The following REPS1 variants were observed in gnomAD, a reference collection of about 807,000 sequenced individuals.
REPS1 encodes the protein RALBP1 associated Eps domain containing 1.
In REPS1, 39 loss-of-function variants were observed where a neutral mutation model predicts 100.9. The observed-to-expected ratio is 0.39, with a 90% CI of 0.30 to 0.50. REPS1 has a LOEUF of 0.50. Among genes scored for constraint, REPS1 ranks in the 20% least tolerant of loss-of-function variants. The pLI is 0.86. For synonymous variants in REPS1, 324 were observed against 340.3 expected (o/e 0.95, Z 0.53); for missense variants, 821 against 968.5 (o/e 0.85, Z 2.02).
At chr6:138,944,051 A>G in intron 5 of REPS1, 36 bp from the exon 6 acceptor site, 1 of 1,593,326 alleles carries the variant, frequency 6.3e-7, no homozygotes. Context: ...TACAATATCT[A>G]CCTACATGAT....
chr6:138,925,057 G>A (rs1261561119), intron 10 of REPS1, among the ~76,000 whole-genome samples: 1 of 151,952 alleles, frequency 6.6e-6, no homozygotes. Flanking sequence ...AATGATAAAA[G>A]ACATCAGGCC....
chr6:138,930,932 A>G (rs1781446364), intron 8 of REPS1, among the ~76,000 whole-genome samples: 1 of 152,188 alleles, frequency 6.6e-6, no homozygotes. Flanking sequence ...TCTACTTTTA[A>G]GCATAGTTAA....
At chr6:138,953,418 G>A (rs1339710278) in intron 1 of REPS1, among the ~76,000 whole-genome samples, 5 of 152,062 alleles carry the variant, frequency 3.3e-5, no homozygotes, top group Admixed American at 2.0e-4. Context: ...TACAGAATGG[G>A]AGAAAATATC....
chr6:138,984,064 A>ATC (rs1194338189), intron 1 of REPS1, among the ~76,000 whole-genome samples: 39 of 141,846 alleles, frequency 2.7e-4, no homozygotes, highest in African/African-American at 7.3e-4. Flanking sequence ...AATCTCTACC[A>ATC]TCTCTCTCTC....
In REPS1 at chr6:138,907,557, G is replaced by A. The variant is rs1375987156; in HGVS notation, c.2260C>T (p.Arg754Cys). ...AAAACGGTGTTGGTTTCCTTATTAC[G>A]TCTAATTGATGCCTGAATAGCTTTC... ...DKKAIQASIR[R>C]NKETNTVLAR... The change falls in exon 19 of 20, where the codon CGT (arginine) becomes TGT (cysteine). Residue 754 changes from arginine (R) to cysteine (C), a missense_variant. Physicochemically the swap from Arg to Cys is radical, Grantham distance 180 (BLOSUM62 -3). Coordinates refer to ENST00000450536, the MANE Select transcript of REPS1 (RefSeq NM_001286611.2). 16 of 1,613,342 alleles carry A rather than the reference G, an allele frequency of 9.9e-6. No homozygotes were observed. The highest frequency in any genetic ancestry group is 1.4e-5 in the Non-Finnish European group (16 of 1,179,622).
chr6:138,959,921 G>GT (rs1162469947), intron 1 of REPS1, among the ~76,000 whole-genome samples: 2 of 152,322 alleles, frequency 1.3e-5, no homozygotes, highest in South Asian at 2.1e-4. Context: ...AAGTGGCAGA[G>GT]TAAGGATTCA....
rs1229092565 is a variant in REPS1, at chr6:138,904,449, T to C, written c.*615A>G. The stretch of plus-strand genomic sequence containing the variant: ...ATCTCATAAAATAGTTCGAAGTCGC[T>C]GATGAAGTTGATCACATTTCCACAA... On this transcript the variant is annotated 3_prime_UTR_variant, in exon 20 of 20. Coordinates refer to ENST00000450536, the MANE Select transcript of REPS1 (RefSeq NM_001286611.2). The C allele has an allele frequency of 6.6e-6, 1 of 152,370 alleles. No individual in the cohort carries two copies. The highest frequency in any genetic ancestry group is 1.9e-4 in the East Asian group (1 of 5,188). 9.4% of individuals were successfully genotyped at this position (152,370 alleles called of 1,614,324 possible).
chr6:138,911,337 C>G lies in REPS1; in HGVS notation c.2006G>C (p.Arg669Pro). ...AGTTTTACTATCTGTTTTGGCAACT[C>G]GAAGAGAACTTGCAGGATCAGAAGC... The part of the protein sequence containing the change: ...EKASDPASSL[R>P]VAKTDSKTEE... The change falls in exon 17 of 20, where the codon CGA (arginine) becomes CCA (proline). Residue 669 changes from arginine (R) to proline (P), a missense_variant. Coordinates refer to ENST00000450536, the MANE Select transcript of REPS1 (RefSeq NM_001286611.2). 6.2e-7 allele frequency: 1 copy of G among 1,613,618 alleles called. No homozygotes were observed. Among genetic ancestry groups the G allele is most frequent in the Non-Finnish European group, 8.5e-7 (1 of 1,179,666 alleles).
rs186361770 is a variant in REPS1 at position 138,926,075 on chromosome 6, C to A, written c.1338+326G>T. On this transcript the variant is annotated intron_variant, in intron 10 of 19. Transcript: ENST00000450536. ...AGCATACAGATAATACATAAAGAGT[C>A]ACTACACTGAAATAAACAGTATGTA... is the stretch of plus-strand genomic sequence containing the variant. Among the ~76,000 whole-genome samples, 901 of 152,230 alleles carry A rather than the reference C, an allele frequency of 5.9e-3. 8 individuals carry two copies. Among genetic ancestry groups the A allele is most frequent in the Non-Finnish European group, 0.01 (681 of 68,022 alleles).
intron 19 of REPS1, among the ~76,000 whole-genome samples, chr6:138,906,866 G>A (rs1425831891): frequency 1.3e-5 from 2 of 152,040 alleles, no homozygotes; most frequent in Admixed American, 1.3e-4. Flanking sequence ...TGGTTTGTAA[G>A]ACATGAGTAC....
At chr6:138,923,933 G>A (rs1780941216) in intron 10 of REPS1, among the ~76,000 whole-genome samples, 1 of 152,106 alleles carries the variant, frequency 6.6e-6, no homozygotes, top group Non-Finnish European at 1.5e-5. Context: ...CCCCCCAGGT[G>A]ATTCCCTTGT....
At chr6:138,926,002 G>A (rs1375000551) in intron 10 of REPS1, among the ~76,000 whole-genome samples, 3 of 152,070 alleles carry the variant, frequency 2.0e-5, no homozygotes, top group East Asian at 1.9e-4. Flanking sequence ...AATAAAAGAT[G>A]ACATTGCATA....
At position 138,943,503 on chromosome 6, in the gene REPS1, C is replaced by A. The variant is rs765746319; in HGVS notation, c.980+10G>T. 53 of 1,547,910 alleles carry A rather than the reference C, an allele frequency of 3.4e-5. No individual in the cohort carries two copies. The highest frequency in any genetic ancestry group is 4.6e-5 in the Non-Finnish European group (52 of 1,122,638). On this transcript the variant is annotated intron_variant, in intron 7 of 19. Transcript: ENST00000450536. ...ACCCAGTTACCCAACTAATGATATA[C>A]CACACTTACCAAATATGAGAAAGTT...
At chr6:138,936,121 A>T (rs1204769150) in intron 8 of REPS1, among the ~76,000 whole-genome samples, 1 of 152,130 alleles carries the variant, frequency 6.6e-6, no homozygotes, top group Non-Finnish European at 1.5e-5. Context: ...GAAAAAGGTC[A>T]CTTCTACAAA....
chr6:138,912,818 T>G lies in REPS1; in HGVS notation c.1918A>C (p.Asn640His). ...TCATCATCTTGTTCGTCGTTTACATTTGATGCAGCAAATACTTCAAACTGA... is the reference window on the plus strand; with the variant it reads ...TCATCATCTTGTTCGTCGTTTACATGTGATGCAGCAAATACTTCAAACTGA... The part of the protein sequence containing the change: ...FSQFEVFAAS[N>H]VNDEQDDEAE... Residue 640 changes from asparagine to histidine, a missense_variant, in exon 16 of 20, where the codon AAT becomes CAT. Asn to His is a moderately conservative substitution (Grantham distance 68). Coordinates refer to ENST00000450536, the MANE Select transcript of REPS1 (RefSeq NM_001286611.2). 1 of 1,614,170 alleles carries G rather than the reference T, an allele frequency of 6.2e-7. No homozygotes were observed. Among genetic ancestry groups the G allele is most frequent in the Non-Finnish European group, 8.5e-7 (1 of 1,180,024 alleles).
intron 8 of REPS1, among the ~76,000 whole-genome samples, chr6:138,938,508 T>C (rs747762676): frequency 3.3e-5 from 5 of 152,200 alleles, no homozygotes; most frequent in Non-Finnish European, 5.9e-5. Context: ...CCTTTGAAAA[T>C]GGCACACATG....
chr6:138,954,485 A>G (rs1340048173), intron 1 of REPS1, among the ~76,000 whole-genome samples: 2 of 149,536 alleles, frequency 1.3e-5, no homozygotes, highest in Non-Finnish European at 3.0e-5. Context: ...ACTAAAACTA[A>G]CAATAGATGA....
At chr6:138,977,628 A>G (rs1189233734) in intron 1 of REPS1, among the ~76,000 whole-genome samples, 1 of 152,116 alleles carries the variant, frequency 6.6e-6, no homozygotes, top group Non-Finnish European at 1.5e-5. Flanking sequence ...AGTTTTCCAC[A>G]TTTTATGTAT....
chr6:138,954,398 G>GT (rs1191222085), intron 1 of REPS1, among the ~76,000 whole-genome samples: 5 of 151,526 alleles, frequency 3.3e-5, no homozygotes, highest in Non-Finnish European at 7.4e-5. Context: ...ACTATACATT[G>GT]TATTAGGGGT....
Sources: allele counts gnomAD v4.1 joint callset (sites outside exome capture counted in the v4.1 genomes callset), GRCh38; gene constraint gnomAD v4.1.1; transcripts MANE v1.5; gene names NCBI Gene and HGNC (gene_info 2026-07-23, HGNC 2026-07-21).